MGAT4C: variants seen among roughly 807,000 people sequenced by gnomAD.
MGAT4C encodes the protein MGAT4 family member C.
A neutral mutation model predicts 40.1 loss-of-function variants in MGAT4C; 19 were observed. That is an observed-to-expected ratio of 0.47 (90% confidence interval 0.33 to 0.70). The LOEUF (loss-of-function observed/expected upper bound fraction) is 0.70. Ranked by LOEUF, MGAT4C falls within the 30% of genes least tolerant of loss-of-function variation. The pLI is 0.02. For missense variants in MGAT4C, 491 were observed against 563.2 expected (o/e 0.87, Z 1.30); for synonymous variants, 181 against 187.1 (o/e 0.97, Z 0.27).
At chr12:86,737,682 C>T (rs978917192) in intron 1 of MGAT4C, among the ~76,000 whole-genome samples, 1 of 151,384 alleles carries the variant, frequency 6.6e-6, no homozygotes, top group African/African-American at 2.4e-5. Flanking sequence ...GAGACCTTCA[C>T]ATCCACCCCT....
chr12:86,362,928 A>T (rs1301656178), intron 3 of MGAT4C, among the ~76,000 whole-genome samples: 1 of 151,576 alleles, frequency 6.6e-6, no homozygotes, highest in African/African-American at 2.4e-5. Flanking sequence ...AGTGGATTTC[A>T]GCATAAGGAA....
chr12:86,684,792 G>T (rs992815055), intron 2 of MGAT4C, among the ~76,000 whole-genome samples: 1 of 151,592 alleles, frequency 6.6e-6, no homozygotes, highest in Non-Finnish European at 1.5e-5. Context: ...ATGATGATGA[G>T]CTTTTTTTTT....
intron 2 of MGAT4C, among the ~76,000 whole-genome samples, chr12:86,717,085 G>A (rs1456016168): frequency 1.3e-5 from 2 of 151,882 alleles, no homozygotes; most frequent in African/African-American, 4.8e-5. Flanking sequence ...ATAATCAAAT[G>A]TTGTGCTCTT....
At chr12:86,383,204 G>T (rs577038171) in intron 3 of MGAT4C, among the ~76,000 whole-genome samples, 2 of 152,286 alleles carry the variant, frequency 1.3e-5, no homozygotes, top group East Asian at 3.9e-4. Context: ...CTGCATCAGC[G>T]TGACCTGGAC....
At chr12:86,373,618 T>C (rs1955763358) in intron 3 of MGAT4C, among the ~76,000 whole-genome samples, 2 of 151,768 alleles carry the variant, frequency 1.3e-5, no homozygotes, top group South Asian at 2.1e-4. Flanking sequence ...ATATTGATTA[T>C]AGGGAAATGG....
At chr12:86,508,310 T>C (rs137969907) in intron 2 of MGAT4C, among the ~76,000 whole-genome samples, 9,813 of 152,082 alleles carry the variant, frequency 0.065, 750 homozygotes, top group East Asian at 0.24. Context: ...CATGCGGTGT[T>C]TGGTTTTTTG....
At position 86,489,859 on chromosome 12, in the gene MGAT4C, G is replaced by A. The variant is rs938083938; in HGVS notation, c.-228-54594C>T. 5.3e-4 allele frequency among the ~76,000 whole-genome samples: 80 copies of A among 152,120 alleles called. 1 individual carries two copies. Among genetic ancestry groups the A allele is most frequent in the African/African-American group, 1.8e-3 (74 of 41,430 alleles). On this transcript the variant is annotated intron_variant, in intron 2 of 7. Transcript: ENST00000548651. ...TGAAATGAATGAAATGAAGCGAGAA[G>A]GGAAGTTTAGAGAAAAAAGAATAAA...
At chr12:86,411,983 C>T (rs1173319037) in intron 3 of MGAT4C, among the ~76,000 whole-genome samples, 1 of 152,178 alleles carries the variant, frequency 6.6e-6, no homozygotes, top group Non-Finnish European at 1.5e-5. Context: ...AGTGCCAGTC[C>T]TAAGGCCTGG....
intron 1 of MGAT4C, among the ~76,000 whole-genome samples, chr12:86,184,646 C>A (rs1888526511): frequency 6.9e-6 from 1 of 145,440 alleles, no homozygotes; most frequent in Non-Finnish European, 1.5e-5. Flanking sequence ...TCTCTTCCTT[C>A]CATTCTCCTT....
At chr12:86,253,166 T>C (rs767091317) in intron 1 of MGAT4C, among the ~76,000 whole-genome samples, 8 of 151,934 alleles carry the variant, frequency 5.3e-5, no homozygotes, top group Non-Finnish European at 7.4e-5. Flanking sequence ...TCTACTTTTA[T>C]AGTAAATTAA....
chr12:86,364,628 T>C (rs1955553350), intron 3 of MGAT4C, among the ~76,000 whole-genome samples: 1 of 152,172 alleles, frequency 6.6e-6, no homozygotes. Context: ...TAGGTTCTTT[T>C]CTATTTTCCC....
intron 1 of MGAT4C, among the ~76,000 whole-genome samples, chr12:86,779,403 T>C (rs7958041): frequency 2.6e-5 from 4 of 151,772 alleles, no homozygotes; most frequent in African/African-American, 9.7e-5. Context: ...GAGACCAGCC[T>C]GAGCAGCATA....
chr12:86,718,310 C>T (rs1477751349), intron 2 of MGAT4C, among the ~76,000 whole-genome samples: 7 of 152,024 alleles, frequency 4.6e-5, no homozygotes, highest in Non-Finnish European at 8.8e-5. Flanking sequence ...TATAAAAGCC[C>T]CAAACAGTAG....
chr12:86,671,593 C>A (rs926587248), intron 2 of MGAT4C, among the ~76,000 whole-genome samples: 2 of 151,922 alleles, frequency 1.3e-5, no homozygotes, highest in Admixed American at 1.3e-4. Context: ...AGACTGAAAA[C>A]AATGGGATGA....
At chr12:86,411,451 T>C (rs535594851) in intron 3 of MGAT4C, among the ~76,000 whole-genome samples, 1 of 152,330 alleles carries the variant, frequency 6.6e-6, no homozygotes, top group Non-Finnish European at 1.5e-5. Flanking sequence ...TTGGCAGCAT[T>C]GTGCCTCTGA....
chr12:86,198,349 A>G (rs1200432932), intron 1 of MGAT4C, among the ~76,000 whole-genome samples: 1 of 152,196 alleles, frequency 6.6e-6, no homozygotes, highest in Non-Finnish European at 1.5e-5. Flanking sequence ...CAAAACCCAA[A>G]AAGAATATTT....
At chr12:85,994,625 C>A (rs1886398594) in intron 2 of MGAT4C, among the ~76,000 whole-genome samples, 1 of 151,704 alleles carries the variant, frequency 6.6e-6, no homozygotes, top group African/African-American at 2.4e-5. Context: ...CCCCCCCCAG[C>A]CGCCAAAAAA....
chr12:86,118,461 A>C (rs1256050308), intron 1 of MGAT4C, among the ~76,000 whole-genome samples: 1 of 152,178 alleles, frequency 6.6e-6, no homozygotes, highest in African/African-American at 2.4e-5. Flanking sequence ...AACATGAAAC[A>C]TTCTGTGAAT....
In MGAT4C at chr12:86,732,590, G is replaced by A. The variant is rs74896203; in HGVS notation, c.-261-5349C>T. ...TTGCATGTGCAGTTCACTAGAGTTC[G>A]GACTCCTGTGAGACTCTAATGCCAA... On this transcript the variant is annotated intron_variant, in intron 1 of 7. Coordinates refer to the MGAT4C transcript ENST00000548651. Among the ~76,000 whole-genome samples the A allele has an allele frequency of 3.0e-4, 46 of 152,068 alleles. 1 individual carries two copies. The highest frequency in any genetic ancestry group is 7.2e-4 in the African/African-American group (30 of 41,500).
Sources: allele counts gnomAD v4.1 joint callset (sites outside exome capture counted in the v4.1 genomes callset), GRCh38; gene constraint gnomAD v4.1.1; transcripts MANE v1.5; gene names NCBI Gene and HGNC (gene_info 2026-07-23, HGNC 2026-07-21).